LYZL2: variants seen among roughly 807,000 people sequenced by gnomAD.
The protein encoded by LYZL2 is lysozyme-like protein 2.
A neutral mutation model predicts 17.1 loss-of-function variants in LYZL2; 13 were observed. The observed-to-expected ratio is 0.76, with a 90% CI of 0.49 to 1.21. The LOEUF (loss-of-function observed/expected upper bound fraction) is 1.21. LYZL2 is among the 50% of genes most tolerant of loss of function. The pLI is 0.00. For synonymous variants in LYZL2, 63 were observed against 74.4 expected (o/e 0.85, Z 0.79); for missense variants, 166 against 189.2 (o/e 0.88, Z 0.72).
intron 3 of LYZL2, among the ~76,000 whole-genome samples, chr10:30,619,078 G>C (rs1177121715): frequency 1.1e-4 from 16 of 152,336 alleles, no homozygotes; most frequent in Middle Eastern, 3.4e-3. Flanking sequence ...ATGAAAAAAT[G>C]CTCATCATCA....
At chr10:30,624,246 T>C (rs1838668602) in intron 3 of LYZL2, among the ~76,000 whole-genome samples, 1 of 152,200 alleles carries the variant, frequency 6.6e-6, no homozygotes, top group Non-Finnish European at 1.5e-5. Context: ...CTCTGACTTC[T>C]GGAGGGGTTT....
At chr10:30,611,736 G>GGAAA (rs143782263), downstream of LYZL2, 7 of 485,140 alleles carry the variant, frequency 1.4e-5, 1 homozygote, top group South Asian at 3.7e-5. Flanking sequence ...AGAAAAGAAA[G>GGAAA]GAAAGAAAGA....
downstream of LYZL2, among the ~76,000 whole-genome samples, chr10:30,607,165 G>A (rs1397516796): frequency 1.5e-5 from 2 of 137,144 alleles, no homozygotes; most frequent in Non-Finnish European, 1.7e-5. Flanking sequence ...ACCCGCCTTG[G>A]CCTCCCAAAG....
chr10:30,618,884 C>G (rs1202658270), intron 3 of LYZL2, among the ~76,000 whole-genome samples: 3 of 152,182 alleles, frequency 2.0e-5, no homozygotes, highest in South Asian at 2.1e-4. Flanking sequence ...TCAGAGTGAA[C>G]AGGCAACCTA....
intron 3 of LYZL2, among the ~76,000 whole-genome samples, chr10:30,614,117 C>T (rs1838491574): frequency 6.6e-6 from 1 of 152,208 alleles, no homozygotes; most frequent in African/African-American, 2.4e-5. Context: ...TCAAAATCCT[C>T]AACACAAACA....
At chr10:30,611,723 A>AAAGAAAGAAAG (rs1564406068), downstream of LYZL2, 3 of 111,872 alleles carry the variant, frequency 2.7e-5, no homozygotes, top group Non-Finnish European at 5.5e-5. Flanking sequence ...AGAAAGAAAG[A>AAAGAAAGAAAG]AAAGAAAAGA....
At chr10:30,618,527 C>G (rs531703797) in intron 3 of LYZL2, among the ~76,000 whole-genome samples, 2 of 152,196 alleles carry the variant, frequency 1.3e-5, no homozygotes, top group Admixed American at 6.5e-5. Context: ...TACTGCATAT[C>G]TACAACTATG....
At chr10:30,610,564 C>T (rs978893799), downstream of LYZL2, among the ~76,000 whole-genome samples, 7 of 151,970 alleles carry the variant, frequency 4.6e-5, no homozygotes, top group Non-Finnish European at 1.0e-4. Context: ...GGAAAGGAGA[C>T]GGAGAGCATT....
downstream of LYZL2, among the ~76,000 whole-genome samples, chr10:30,607,272 AT>A (rs1838388312): frequency 6.6e-6 from 1 of 151,914 alleles, no homozygotes; most frequent in Non-Finnish European, 1.5e-5. Context: ...AATGTAGATT[AT>A]TGTTATGAAC....
At chr10:30,621,738 A>T (rs1051539347) in intron 3 of LYZL2, among the ~76,000 whole-genome samples, 2 of 152,250 alleles carry the variant, frequency 1.3e-5, no homozygotes, top group Non-Finnish European at 2.9e-5. Flanking sequence ...AAAACAAAAC[A>T]AAACAAAGTT....
At chr10:30,610,315 C>A (rs959883309), downstream of LYZL2, among the ~76,000 whole-genome samples, 1 of 151,994 alleles carries the variant, frequency 6.6e-6, no homozygotes, top group Non-Finnish European at 1.5e-5. Context: ...TTAGACTTTC[C>A]AGCAGGATTT....
downstream of LYZL2, among the ~76,000 whole-genome samples, chr10:30,610,718 C>G (rs1291382224): frequency 6.6e-6 from 1 of 152,130 alleles, no homozygotes; most frequent in African/African-American, 2.4e-5. Context: ...AAAGCATGAG[C>G]CACTGTGCCT....
intron 3 of LYZL2, among the ~76,000 whole-genome samples, chr10:30,620,994 T>C (rs894362152): frequency 2.0e-5 from 3 of 152,086 alleles, no homozygotes; most frequent in Non-Finnish European, 2.9e-5. Flanking sequence ...CGATCGAACA[T>C]ACATGCCGTT....
chr10:30,624,215 G>A (rs59153252), intron 3 of LYZL2, among the ~76,000 whole-genome samples: 1 of 152,124 alleles, frequency 6.6e-6, no homozygotes, highest in African/African-American at 2.4e-5. Flanking sequence ...CACACAGTTG[G>A]CGTCAATGGA....
At chr10:30,608,687 C>T (rs1325158776), downstream of LYZL2, among the ~76,000 whole-genome samples, 9 of 152,046 alleles carry the variant, frequency 5.9e-5, no homozygotes, top group Non-Finnish European at 1.5e-5. Flanking sequence ...GGTTACATTC[C>T]CCTATATCCC....
At chr10:30,625,467 G>C (rs1005012938) in intron 3 of LYZL2, among the ~76,000 whole-genome samples, 18 of 152,066 alleles carry the variant, frequency 1.2e-4, no homozygotes, top group African/African-American at 4.1e-4. Context: ...CCTTAGGCCA[G>C]GAGTTCAAGA....
At chr10:30,607,006 A>G (rs1216039458), downstream of LYZL2, among the ~76,000 whole-genome samples, 2 of 149,748 alleles carry the variant, frequency 1.3e-5, no homozygotes, top group African/African-American at 2.5e-5. Flanking sequence ...CACCTCCTGG[A>G]TTCAAGCAAT....
intron 3 of LYZL2, among the ~76,000 whole-genome samples, chr10:30,619,636 A>G (rs922268287): frequency 7.3e-6 from 1 of 136,734 alleles, no homozygotes; most frequent in African/African-American, 2.7e-5. Flanking sequence ...ATGAGAACAC[A>G]TGGACACAGG....
intron 3 of LYZL2, among the ~76,000 whole-genome samples, chr10:30,625,303 T>C (rs1838685035): frequency 6.6e-6 from 1 of 152,176 alleles, no homozygotes; most frequent in Non-Finnish European, 1.5e-5. Context: ...ACTCGGTATG[T>C]TGGACAAGAT....
Sources: allele counts gnomAD v4.1 joint callset (sites outside exome capture counted in the v4.1 genomes callset), GRCh38; gene constraint gnomAD v4.1.1; transcripts MANE v1.5; gene names NCBI Gene and HGNC (gene_info 2026-07-23, HGNC 2026-07-21).